FAF1: variants seen among roughly 807,000 people sequenced by gnomAD.
The protein encoded by FAF1 is Fas associated factor 1, also known as FAS-associated factor 1.
Under a neutral mutation model 92.5 loss-of-function variants are expected in FAF1, and 25 were observed. The observed-to-expected ratio is 0.27, with a 90% CI of 0.20 to 0.38. The LOEUF (loss-of-function observed/expected upper bound fraction) is 0.38, where lower values mean the gene tolerates loss of function less well. Among genes scored for constraint, FAF1 ranks in the 10% least tolerant of loss-of-function variants. The pLI, the probability that FAF1 is intolerant of heterozygous loss-of-function variation, is 1.00. For synonymous variants in FAF1, 234 were observed against 273.2 expected (o/e 0.86, Z 1.42); for missense variants, 636 against 793.3 (o/e 0.80, Z 2.38).
At chr1:50,561,848 C>CGGATGGACGGAAGGAA (rs1553227084) in intron 13 of FAF1, among the ~76,000 whole-genome samples, 1 of 128,484 alleles carries the variant, frequency 7.8e-6, no homozygotes, top group Non-Finnish European at 1.6e-5. Flanking sequence ...GACGGATGGA[C>CGGATGGACGGAAGGAA]GGAAGGAAGG....
chr1:50,449,606 C>T (rs2148978557), intron 18 of FAF1, among the ~76,000 whole-genome samples: 1 of 151,004 alleles, frequency 6.6e-6, no homozygotes, highest in African/African-American at 2.4e-5. Flanking sequence ...TCTCCTACCT[C>T]AGCCTCCCAA....
chr1:50,586,619 C>G (rs145443109), intron 9 of FAF1, among the ~76,000 whole-genome samples: 151 of 152,274 alleles, frequency 9.9e-4, no homozygotes, highest in Middle Eastern at 3.4e-3. Context: ...CATCTTAACT[C>G]TACTTCTCAC....
rs201828120 is a variant in FAF1, at chr1:50,599,581, TTAAG to T, written c.745-3369_745-3366del. Among the ~76,000 whole-genome samples the T allele has an allele frequency of 9.9e-3, 1,513 of 152,130 alleles. 23 individuals are homozygous for T. The highest frequency in any genetic ancestry group is 0.035 in the African/African-American group (1,434 of 41,386). ...GTCCCTGTTAAATCAGTAAAAATTA[TTAAG>T]TAATTTAATTTATTTATTAAGTAAA... On this transcript the variant is annotated intron_variant, in intron 8 of 18. Coordinates refer to ENST00000396153, the MANE Select transcript of FAF1 (RefSeq NM_007051.3).
At chr1:50,928,110 C>T (rs1645020136) in intron 1 of FAF1, among the ~76,000 whole-genome samples, 2 of 152,182 alleles carry the variant, frequency 1.3e-5, no homozygotes, top group Non-Finnish European at 2.9e-5. Flanking sequence ...TTTTCAGGAA[C>T]AAGTCACCTG....
chr1:50,612,945 G>A (rs1276802881), intron 8 of FAF1, among the ~76,000 whole-genome samples: 1 of 152,146 alleles, frequency 6.6e-6, no homozygotes, highest in Admixed American at 6.5e-5. Flanking sequence ...TTGTATCTGT[G>A]TTTAGGTGAC....
At chr1:50,506,313 C>T (rs1647057413) in intron 15 of FAF1, among the ~76,000 whole-genome samples, 1 of 152,184 alleles carries the variant, frequency 6.6e-6, no homozygotes, top group Non-Finnish European at 1.5e-5. Context: ...ATCAGCTTCA[C>T]TGTCTGCTTT....
At chr1:50,464,676 T>C (rs1459335143) in intron 18 of FAF1, among the ~76,000 whole-genome samples, 2 of 152,358 alleles carry the variant, frequency 1.3e-5, no homozygotes, top group Non-Finnish European at 2.9e-5. Context: ...AGTTTAGCCA[T>C]TACCAACTCA....
intron 1 of FAF1, among the ~76,000 whole-genome samples, chr1:50,906,187 G>A (rs1007857957): frequency 1.3e-5 from 2 of 152,182 alleles, no homozygotes; most frequent in African/African-American, 2.4e-5. Context: ...TCAGATGGTT[G>A]TAGATGTGTG....
intron 1 of FAF1, among the ~76,000 whole-genome samples, chr1:50,889,331 AT>A (rs1315926180): frequency 6.6e-6 from 1 of 152,096 alleles, no homozygotes; most frequent in African/African-American, 2.4e-5. Flanking sequence ...GGATTCATTG[AT>A]TTTTTGAAGG....
At chr1:50,953,605 G>A (rs1185622624) in intron 1 of FAF1, among the ~76,000 whole-genome samples, 1 of 151,804 alleles carries the variant, frequency 6.6e-6, no homozygotes, top group Non-Finnish European at 1.5e-5. Context: ...AGGCGTAGTT[G>A]GTTCTCGCCT....
At chr1:50,480,649 A>C (rs1288647447) in intron 17 of FAF1, among the ~76,000 whole-genome samples, 2 of 152,262 alleles carry the variant, frequency 1.3e-5, no homozygotes, top group African/African-American at 2.4e-5. Flanking sequence ...AGTATGTGCC[A>C]CATAGGGACT....
In FAF1 at chr1:50,485,705, A is replaced by C. The variant is rs571286789; in HGVS notation, c.1653+4883T>G. 2.5e-3 allele frequency among the ~76,000 whole-genome samples: 384 copies of C among 150,962 alleles called. 3 individuals carry two copies. Among genetic ancestry groups the C allele is most frequent in the Non-Finnish European group, 2.5e-3 (166 of 67,724 alleles). ...AAAAAAAAAAAAAAAAACCAAAAAA[A>C]CAAAAAAACAACCTGAGACTGGGTA... On this transcript the variant is annotated intron_variant, in intron 17 of 18. Transcript: ENST00000396153.
intron 4 of FAF1, among the ~76,000 whole-genome samples, chr1:50,775,634 A>G (rs1348603157): frequency 6.6e-6 from 1 of 152,124 alleles, no homozygotes; most frequent in Non-Finnish European, 1.5e-5. Context: ...CGTGTTTTAG[A>G]AAAATCACCA....
intron 1 of FAF1, among the ~76,000 whole-genome samples, chr1:50,910,266 G>A (rs745886591): frequency 1.4e-4 from 21 of 152,258 alleles, no homozygotes; most frequent in Non-Finnish European, 2.1e-4. Flanking sequence ...AGGGGCACCC[G>A]GCTGAATGAG....
chr1:50,513,659 A>C (rs1647167790), intron 15 of FAF1, among the ~76,000 whole-genome samples: 1 of 152,222 alleles, frequency 6.6e-6, no homozygotes, highest in Non-Finnish European at 1.5e-5. Flanking sequence ...ACTAAGTACT[A>C]ATGAATATCC....
At chr1:50,941,701 G>A (rs1472433674) in intron 1 of FAF1, among the ~76,000 whole-genome samples, 1 of 152,158 alleles carries the variant, frequency 6.6e-6, no homozygotes, top group Non-Finnish European at 1.5e-5. Flanking sequence ...GTGGTAAAGT[G>A]CAGTACTTAT....
chr1:50,734,121 T>A (rs1389516277), intron 6 of FAF1, among the ~76,000 whole-genome samples: 1 of 152,140 alleles, frequency 6.6e-6, no homozygotes, highest in Non-Finnish European at 1.5e-5. Context: ...CTATTTTGGT[T>A]TCACTTGTTT....
chr1:50,762,995 C>T lies in FAF1; in HGVS notation c.368-18220G>A, dbSNP rs185449524. On this transcript the variant is annotated intron_variant, in intron 4 of 18. Coordinates refer to ENST00000396153, the MANE Select transcript of FAF1 (RefSeq NM_007051.3). ...TGTAGGCCAGGCGCGTTGGCTCATACCTGTAATCCCAGCACTTTGGGAGGC... is the reference window on the plus strand; with the variant it reads ...TGTAGGCCAGGCGCGTTGGCTCATATCTGTAATCCCAGCACTTTGGGAGGC... Among the ~76,000 whole-genome samples, 31 of 152,256 alleles carry T rather than the reference C, an allele frequency of 2.0e-4. 1 individual carries two copies. Among genetic ancestry groups the T allele is most frequent in the Non-Finnish European group, 5.9e-5 (4 of 68,026 alleles).
At chr1:50,520,429 T>C (rs750270645) in intron 15 of FAF1, among the ~76,000 whole-genome samples, 132 of 152,362 alleles carry the variant, frequency 8.7e-4, no homozygotes, top group Middle Eastern at 3.4e-3. Flanking sequence ...ATCTGCAAAC[T>C]GGACCAACAT....
Sources: gnomAD v4.1 joint callset for allele counts (sites outside exome capture counted in the v4.1 genomes callset) on GRCh38, gnomAD v4.1.1 for gene constraint, MANE v1.5 for transcripts, NCBI Gene and HGNC (gene_info 2026-07-23, HGNC 2026-07-21) for gene names.